Variants in NAALADL2 observed in about 807,000 individuals in gnomAD.
The protein encoded by NAALADL2 is inactive N-acetylated-alpha-linked acidic dipeptidase-like protein 2.
Under a neutral mutation model 87.2 loss-of-function variants are expected in NAALADL2, and 76 were observed. The ratio of observed to expected loss-of-function variants is 0.87; its 90% confidence interval spans 0.72 to 1.05. The LOEUF (loss-of-function observed/expected upper bound fraction) is 1.05, where lower values mean the gene tolerates loss of function less well. NAALADL2 is among the 50% of genes least tolerant of loss of function. NAALADL2 has a pLI of 0.00. For missense variants in NAALADL2, 1,089 were observed against 945.8 expected (o/e 1.15, Z -1.99); for synonymous variants, 354 against 331.0 (o/e 1.07, Z -0.75).
intron 5 of NAALADL2, among the ~76,000 whole-genome samples, chr3:175,439,605 A>AT (rs1479557719): frequency 6.6e-6 from 1 of 150,702 alleles, no homozygotes; most frequent in African/African-American, 2.4e-5. Context: ...GATGTTGAGC[A>AT]TTTTTTCATG....
intron 5 of NAALADL2, among the ~76,000 whole-genome samples, chr3:175,386,246 G>A (rs893384807): frequency 6.6e-6 from 1 of 151,160 alleles, no homozygotes; most frequent in Non-Finnish European, 1.5e-5. Flanking sequence ...TATTCTGTAG[G>A]CCCCCCTCCC....
intron 2 of NAALADL2, among the ~76,000 whole-genome samples, chr3:174,558,139 G>T (rs573727314): frequency 6.6e-6 from 1 of 152,190 alleles, no homozygotes; most frequent in South Asian, 2.1e-4. Context: ...AGAATAATGG[G>T]AACACTTCTG....
intron 4 of NAALADL2, among the ~76,000 whole-genome samples, chr3:175,305,378 C>A (rs1274468216): frequency 6.6e-6 from 1 of 152,010 alleles, no homozygotes; most frequent in East Asian, 1.9e-4. Context: ...TTTTGACTTT[C>A]AGAATTTGTC....
At chr3:174,844,315 AT>A (rs1373754193) in intron 3 of NAALADL2, among the ~76,000 whole-genome samples, 1 of 152,088 alleles carries the variant, frequency 6.6e-6, no homozygotes, top group Non-Finnish European at 1.5e-5. Flanking sequence ...AGGCGAATTT[AT>A]TTCAGGGGCT....
chr3:174,576,266 A>G (rs16862022), intron 2 of NAALADL2, among the ~76,000 whole-genome samples: 24,674 of 152,160 alleles, frequency 0.16, 2,156 homozygotes, highest in Non-Finnish European at 0.19. Context: ...ACAAAAAATT[A>G]TAAAAACTTG....
At chr3:174,824,973 CATTG>C (rs1276864101) in intron 3 of NAALADL2, among the ~76,000 whole-genome samples, 1 of 152,158 alleles carries the variant, frequency 6.6e-6, no homozygotes, top group Non-Finnish European at 1.5e-5. Flanking sequence ...CTGCAATTCT[CATTG>C]ATTAATTCTA....
intron 5 of NAALADL2, among the ~76,000 whole-genome samples, chr3:175,386,588 CA>C (rs1190306421): frequency 8.6e-5 from 13 of 152,038 alleles, no homozygotes; most frequent in African/African-American, 2.7e-4. Context: ...CCCTTATCCC[CA>C]GTATTGCTTT....
At chr3:175,183,219 T>A (rs1167099778) in intron 2 of NAALADL2, among the ~76,000 whole-genome samples, 1 of 150,036 alleles carries the variant, frequency 6.7e-6, no homozygotes, top group East Asian at 2.0e-4. Context: ...TATACTGATC[T>A]TTTGCCTCCC....
chr3:174,849,696 T>C (rs138818000), intron 3 of NAALADL2, among the ~76,000 whole-genome samples: 2,597 of 139,742 alleles, frequency 0.019, 90 homozygotes, highest in African/African-American at 0.067. Flanking sequence ...GATCGCGCCA[T>C]TGCACTCCAG....
At chr3:174,664,893 G>A (rs1396932734) in intron 2 of NAALADL2, among the ~76,000 whole-genome samples, 1 of 152,178 alleles carries the variant, frequency 6.6e-6, no homozygotes. Context: ...AACCAACAAA[G>A]TCCCCTAGGT....
chr3:174,476,535 C>A (rs945800948), intron 1 of NAALADL2, among the ~76,000 whole-genome samples: 1 of 151,726 alleles, frequency 6.6e-6, no homozygotes, highest in Non-Finnish European at 1.5e-5. Context: ...ATTCAAATGG[C>A]TTATTCATTT....
rs920358848 is a variant in NAALADL2, at chr3:175,184,590, G to A, written c.546-49341G>A. 5.3e-5 allele frequency among the ~76,000 whole-genome samples: 8 copies of A among 151,938 alleles called. No homozygotes were observed. The East Asian group carries it at 1.6e-3, about 29-fold the overall frequency. ...TGGAAAGTCCCATATATGTACAACT[G>A]TCCCTAAATAAGTGAAGATAATTAA... On this transcript the variant is annotated intron_variant, in intron 2 of 13. Transcript: ENST00000454872.
At chr3:174,451,843 G>GTTTTTTTTTTT (rs764587503) in intron 1 of NAALADL2, among the ~76,000 whole-genome samples, 21 of 98,088 alleles carry the variant, frequency 2.1e-4, no homozygotes, top group East Asian at 9.6e-4. Flanking sequence ...GATAGTGGGA[G>GTTTTTTTTTTT]TTTTTTTTTT....
Position 175,490,453 on chromosome 3 carries a change from C to T in NAALADL2, c.1653+18695C>T, listed in dbSNP as rs536049057. On this transcript the variant is annotated intron_variant, in intron 9 of 13. Transcript: ENST00000454872. ...CCTGGCTGGAGTGCAGTGGCAGGAT[C>T]TCAGCTCACTGCAAGCTCTGCCTCC... 5.7e-4 allele frequency among the ~76,000 whole-genome samples: 86 copies of T among 152,142 alleles called. No homozygotes were observed. The Middle Eastern group carries it at 0.01, about 18-fold the overall frequency.
chr3:175,644,070 G>C (rs1436542204), intron 11 of NAALADL2, among the ~76,000 whole-genome samples: 2 of 152,048 alleles, frequency 1.3e-5, no homozygotes, highest in African/African-American at 4.8e-5. Flanking sequence ...GTGCCATTAT[G>C]TATGTGTGTT....
chr3:175,094,757 A>AGTGTGT (rs369083345), intron 1 of NAALADL2, among the ~76,000 whole-genome samples: 2,251 of 126,010 alleles, frequency 0.018, 25 homozygotes, highest in African/African-American at 0.028. Context: ...CAGACACTAT[A>AGTGTGT]GTGTGTGTGT....
intron 2 of NAALADL2, among the ~76,000 whole-genome samples, chr3:174,661,763 A>T (rs1412849774): frequency 6.6e-6 from 1 of 152,066 alleles, no homozygotes; most frequent in Non-Finnish European, 1.5e-5. Context: ...CTACTATTCC[A>T]CACTCTGTGT....
chr3:174,989,115 A>T (rs1253245271), intron 1 of NAALADL2, among the ~76,000 whole-genome samples: 2 of 152,156 alleles, frequency 1.3e-5, no homozygotes, highest in Non-Finnish European at 2.9e-5. Context: ...ATAGGAACTA[A>T]TACAGTGAGA....
chr3:174,771,334 T>G (rs1410137611), intron 3 of NAALADL2, among the ~76,000 whole-genome samples: 1 of 152,072 alleles, frequency 6.6e-6, no homozygotes, highest in Non-Finnish European at 1.5e-5. Context: ...AAGCTAGAGG[T>G]GATCACAGAA....
Sources: allele counts gnomAD v4.1 joint callset (sites outside exome capture counted in the v4.1 genomes callset), GRCh38; gene constraint gnomAD v4.1.1; transcripts MANE v1.5; gene names NCBI Gene and HGNC (gene_info 2026-07-23, HGNC 2026-07-21).